Variants in SLIT1 observed in about 807,000 individuals in gnomAD.
SLIT1 encodes the protein slit guidance ligand 1, also known as slit homolog 1 protein.
Under a neutral mutation model 186.1 loss-of-function variants are expected in SLIT1, and 66 were observed. The observed-to-expected ratio is 0.35, with a 90% CI of 0.29 to 0.44. The LOEUF is 0.44. Ranked by LOEUF, SLIT1 falls within the 20% of genes least tolerant of loss-of-function variation. SLIT1 has a pLI of 1.00. For synonymous variants in SLIT1, 761 were observed against 833.8 expected (o/e 0.91, Z 1.50); for missense variants, 1,638 against 2,037.4 (o/e 0.80, Z 3.77).
intron 34 of SLIT1, 47 bp from the exon 35 acceptor site, chr10:97,003,039 A>G (rs1848326653): frequency 1.9e-6 from 3 of 1,570,492 alleles, no homozygotes; most frequent in Non-Finnish European, 2.6e-6. Flanking sequence ...AGCTCGGGCT[A>G]TGCCGGGCAC....
intron 4 of SLIT1, among the ~76,000 whole-genome samples, chr10:97,137,530 CT>C (rs1192659680): frequency 6.6e-6 from 1 of 152,028 alleles, no homozygotes; most frequent in Non-Finnish European, 1.5e-5. Context: ...CTTAATGTTT[CT>C]TTTCCTTCCT....
rs1321331609 is a variant in SLIT1 at position 97,037,736 on chromosome 10, A to C, written c.2328T>G (p.Val776=). 2.5e-6 allele frequency: 4 copies of C among 1,609,228 alleles called. No homozygotes were observed. In the Admixed American group the frequency reaches 5.0e-5, roughly 20 times the overall value. The part of the protein sequence containing the change: ...LYLDGNQFTL[V]PGQLSTFKYL... The stretch of plus-strand genomic sequence containing the variant: ...ACTTGAAGGTAGACAGCTGTCCCGG[A>C]ACCAGCGTGAACTGGTTCCCGTCCA... Residue 776 remains valine (V), a synonymous_variant, in exon 22 of 37, where the codon GTT becomes GTG. Coordinates refer to ENST00000266058, the MANE Select transcript of SLIT1 (RefSeq NM_003061.3).
rs770131207 is a variant in SLIT1 at position 97,157,807 on chromosome 10, G to A, written c.413+11C>T. The A allele has an allele frequency of 6.2e-7, 1 of 1,607,062 alleles. No homozygotes were observed. ...ACAGGGAGAACTCTCTGGCCACAGAGCGTCACTCACAGTCTTGACAAAGCC... is the reference window on the plus strand; with the variant it reads ...ACAGGGAGAACTCTCTGGCCACAGAACGTCACTCACAGTCTTGACAAAGCC... On this transcript the variant is annotated intron_variant, in intron 4 of 36. Transcript: ENST00000266058.
At chr10:97,042,200 G>A (rs951744716) in intron 20 of SLIT1, among the ~76,000 whole-genome samples, 1 of 152,110 alleles carries the variant, frequency 6.6e-6, no homozygotes, top group African/African-American at 2.4e-5. Context: ...TAGGCTGCAG[G>A]GGGTAGAAGG....
chr10:97,046,898 C>G (rs1436734567), intron 17 of SLIT1, 93 bp downstream of exon 17: 1 of 1,574,580 alleles, frequency 6.4e-7, no homozygotes, highest in African/African-American at 1.3e-5. Context: ...AGTCCTGGCC[C>G]CCCGCCGTGG....
chr10:97,065,773 G>T, intron 5 of SLIT1: 1 of 475,568 alleles, frequency 2.1e-6, no homozygotes, highest in Non-Finnish European at 3.9e-6. Context: ...CGCTTCACCA[G>T]GTCCCCAAGG....
At chr10:97,032,136 A>G (rs1291881209) in intron 23 of SLIT1, among the ~76,000 whole-genome samples, 1 of 152,236 alleles carries the variant, frequency 6.6e-6, no homozygotes, top group African/African-American at 2.4e-5. Flanking sequence ...ACTTCCAGGG[A>G]GGACAGGCAA....
intron 1 of SLIT1, among the ~76,000 whole-genome samples, chr10:97,172,396 CCA>C (rs894708127): frequency 6.6e-6 from 1 of 152,152 alleles, no homozygotes; most frequent in African/African-American, 2.4e-5. Context: ...GTCCCAGCCT[CCA>C]CATGAGATTA....
intron 2 of SLIT1, among the ~76,000 whole-genome samples, chr10:97,164,283 AG>A (rs11362305): frequency 0.79 from 119,935 of 152,098 alleles, 47,679 homozygotes; most frequent in East Asian, 0.94. Context: ...GGGGCAGGGC[AG>A]GGGGGGGAAC....
chr10:97,078,778 A>T (rs1441305915), intron 4 of SLIT1, among the ~76,000 whole-genome samples: 3 of 152,208 alleles, frequency 2.0e-5, no homozygotes, highest in African/African-American at 7.2e-5. Context: ...TCTGCATGTG[A>T]ACACCAGGGC....
chr10:97,002,210 C>A lies in SLIT1; in HGVS notation c.4314G>T (p.Lys1438Asn), dbSNP rs575734584. The stretch of plus-strand genomic sequence containing the variant: ...CGGGGTCACACACACAGTGTGCCCC[C>A]TTGGTGCCTGAGGCCTGGCAGTGGC... Reference protein sequence around the residue: ...LHGHCQASGTKGAHCVCDPGF... With the variant: ...LHGHCQASGTNGAHCVCDPGF... The change falls in exon 36 of 37, where the codon AAG (lysine) becomes AAT (asparagine). Residue 1438 changes from lysine to asparagine, a missense_variant. Lys to Asn is a moderately conservative substitution (Grantham distance 94, BLOSUM62 0). Coordinates refer to ENST00000266058, the MANE Select transcript of SLIT1 (RefSeq NM_003061.3). 1.2e-5 allele frequency: 19 copies of A among 1,581,138 alleles called. No individual in the cohort carries two copies. The East Asian group carries it at 3.5e-4, about 29-fold the overall frequency.
At chr10:97,023,618 T>G (rs1461849235) in intron 25 of SLIT1, among the ~76,000 whole-genome samples, 1 of 152,128 alleles carries the variant, frequency 6.6e-6, no homozygotes, top group Non-Finnish European at 1.5e-5. Flanking sequence ...GACTTAGAGA[T>G]GGACAAGACA....
chr10:97,006,815 GA>G lies in SLIT1; in HGVS notation c.3342-96del. The stretch of plus-strand genomic sequence containing the variant: ...GAGAGAAATTCACTAAACATCTTGG[GA>G]AAATGGATTCTTAAAGCGACAGAAG... On this transcript the variant is annotated intron_variant, in intron 31 of 36. Coordinates refer to ENST00000266058, the MANE Select transcript of SLIT1 (RefSeq NM_003061.3). The surrounding 1 kb of genome is among the most constrained non-coding windows in gnomAD (Gnocchi z 4.0). 1 of 829,476 alleles carries G rather than the reference GA, an allele frequency of 1.2e-6. No individual in the cohort carries two copies. Among genetic ancestry groups the G allele is most frequent in the Non-Finnish European group, 2.0e-6 (1 of 507,880 alleles). The allele number at this position is 829,476 out of a possible 1,614,324, so 51.4% of individuals were successfully genotyped here.
rs568820044 is a variant in SLIT1 at position 97,154,188 on chromosome 10, C to A, written c.413+3630G>T. The A allele has an allele frequency of 2.6e-5, 4 of 152,366 alleles. No homozygotes were observed. The South Asian group carries it at 8.3e-4, about 32-fold the overall frequency. The allele number at this position is 152,366 out of a possible 1,614,324, so 9.4% of individuals were successfully genotyped here. On this transcript the variant is annotated intron_variant, in intron 4 of 36. Coordinates refer to ENST00000266058, the MANE Select transcript of SLIT1 (RefSeq NM_003061.3). The stretch of plus-strand genomic sequence containing the variant: ...GATCTTTAAACACTTGCTCCTCTAT[C>A]CTTCCCTATAACCATCTCCAAGGTG...
chr10:97,133,635 T>C (rs555315109), intron 4 of SLIT1, among the ~76,000 whole-genome samples: 14 of 152,354 alleles, frequency 9.2e-5, no homozygotes, highest in African/African-American at 3.4e-4. Context: ...AAAATCATTA[T>C]GATGGTAAAT....
intron 13 of SLIT1, among the ~76,000 whole-genome samples, chr10:97,049,472 G>A (rs12098593): frequency 0.12 from 18,027 of 152,256 alleles, 1,224 homozygotes; most frequent in South Asian, 0.17. Flanking sequence ...CCCAGAGGCT[G>A]GCCAGAGCAC....
intron 4 of SLIT1, among the ~76,000 whole-genome samples, chr10:97,078,514 C>T (rs1023675112): frequency 6.6e-6 from 1 of 152,206 alleles, no homozygotes; most frequent in Non-Finnish European, 1.5e-5. Flanking sequence ...GTTCCCCCAA[C>T]AGAGATATCA....
At chr10:97,103,681 G>T in intron 4 of SLIT1, 1 of 152,206 alleles carries the variant, frequency 6.6e-6, no homozygotes, top group East Asian at 1.9e-4. Flanking sequence ...CTCTGGGAAT[G>T]AAGTACCTTC....
chr10:97,128,380 C>T (rs75491019), intron 4 of SLIT1, among the ~76,000 whole-genome samples: 4,433 of 152,302 alleles, frequency 0.029, 99 homozygotes, highest in South Asian at 0.11. Context: ...ATGCCCCCAC[C>T]GTGGCTAGAA....
Sources: allele counts gnomAD v4.1 joint callset (sites outside exome capture counted in the v4.1 genomes callset), GRCh38; gene constraint gnomAD v4.1.1; non-coding constraint Gnocchi (gnomAD v3.1); transcripts MANE v1.5; gene names NCBI Gene and HGNC (gene_info 2026-07-23, HGNC 2026-07-21).